Variants in NCAM1 observed in about 807,000 individuals in gnomAD.
NCAM1 encodes antigen recognized by monoclonal antibody 5.1H11.
A neutral mutation model predicts 109.8 loss-of-function variants in NCAM1; 14 were observed. The ratio of observed to expected loss-of-function variants is 0.13; its 90% confidence interval spans 0.08 to 0.20. NCAM1 has a LOEUF of 0.20. Among genes scored for constraint, NCAM1 ranks in the 10% least tolerant of loss-of-function variants. NCAM1 has a pLI of 1.00. For synonymous variants in NCAM1, 418 were observed against 442.9 expected, an observed-to-expected ratio of 0.94 and a Z score of 0.70; for missense variants, 774 against 1,109.9, an observed-to-expected ratio of 0.70 and a Z score of 4.30.
At chr11:113,042,343 C>A (rs560124533) in intron 1 of NCAM1, among the ~76,000 whole-genome samples, 2 of 152,330 alleles carry the variant, frequency 1.3e-5, no homozygotes, top group East Asian at 1.9e-4. Flanking sequence ...AATTCAGTGG[C>A]GCCTTCTCAA....
intron 1 of NCAM1, among the ~76,000 whole-genome samples, chr11:113,025,778 CGAGAGAGAGAGAGAGA>C (rs199893109): frequency 0.037 from 4,424 of 118,862 alleles, 413 homozygotes; most frequent in Admixed American, 0.16. Context: ...CACAGGGAGC[CGAGAGAGAGAGAGAGA>C]GAGAGAGAGA....
chr11:113,178,682 G>T (rs1255900477), intron 1 of NCAM1, among the ~76,000 whole-genome samples: 1 of 152,202 alleles, frequency 6.6e-6, no homozygotes, highest in East Asian at 1.9e-4. Flanking sequence ...ATTGCAAAAA[G>T]AAAGAAGATG....
Position 113,233,220 on chromosome 11 carries a change from A to C in NCAM1, c.1596A>C (p.Pro532=). Residue 532 remains proline (P), a synonymous_variant, in exon 13 of 20, where the codon CCA becomes CCC. Coordinates refer to ENST00000316851, the MANE Select transcript of NCAM1 (RefSeq NM_181351.5). This position sits in a 1 kb window ranked among gnomAD's most constrained non-coding sequence, Gnocchi z 4.5. The part of the protein sequence containing the change: ...SSTAQVQFDE[P]EATGGVPILK... Reference sequence around the variant, plus strand: ...CAGCCCAGGTGCAGTTTGATGAACCAGAGGCCACAGGTGGGGTGCCCATCC... The same window carrying C: ...CAGCCCAGGTGCAGTTTGATGAACCCGAGGCCACAGGTGGGGTGCCCATCC... The C allele has an allele frequency of 6.2e-7, 1 of 1,613,928 alleles. No individual in the cohort carries two copies. Among genetic ancestry groups the C allele is most frequent in the Non-Finnish European group, 8.5e-7 (1 of 1,179,862 alleles).
chr11:112,966,141 A>G lies in NCAM1; in HGVS notation c.52+4477A>G, dbSNP rs868996139. Among the ~76,000 whole-genome samples, 3 of 152,370 alleles carry G rather than the reference A, an allele frequency of 2.0e-5. No individual in the cohort carries two copies. In the Middle Eastern group the frequency reaches 0.01, roughly 518 times the overall value. ...AGACTAAGGAATGTCTGGAACTTTA[A>G]AAGAAATGGCAGCACATTACAGGGA... On this transcript the variant is annotated intron_variant, in intron 1 of 19. Transcript: ENST00000316851.
chr11:113,195,616 C>T (rs1349090050), intron 1 of NCAM1, among the ~76,000 whole-genome samples: 2 of 151,020 alleles, frequency 1.3e-5, no homozygotes, highest in Non-Finnish European at 2.9e-5. Flanking sequence ...CATTCTCCTG[C>T]CTCAGCCTCC....
At chr11:112,991,140 G>A (rs1273113851) in intron 1 of NCAM1, among the ~76,000 whole-genome samples, 1 of 152,098 alleles carries the variant, frequency 6.6e-6, no homozygotes, top group Admixed American at 6.6e-5. Context: ...GCCATTATAG[G>A]TGGCATGGAT....
chr11:113,178,784 A>G (rs1462329025), intron 1 of NCAM1, among the ~76,000 whole-genome samples: 1 of 152,294 alleles, frequency 6.6e-6, no homozygotes, highest in African/African-American at 2.4e-5. Context: ...AGAACCTGGG[A>G]CTAGAGTTCA....
At chr11:113,124,441 C>T (rs936293927) in intron 1 of NCAM1, among the ~76,000 whole-genome samples, 12 of 152,344 alleles carry the variant, frequency 7.9e-5, no homozygotes, top group Non-Finnish European at 1.6e-4. Context: ...CAGATCTCCA[C>T]CTCTCTTTTC....
chr11:113,097,359 C>T (rs1178151604), intron 1 of NCAM1, among the ~76,000 whole-genome samples: 1 of 152,186 alleles, frequency 6.6e-6, no homozygotes, highest in Non-Finnish European at 1.5e-5. Flanking sequence ...GGTTTTATGT[C>T]TTACTTCTTA....
chr11:113,239,239 G>A (rs1555118781), intron 14 of NCAM1, among the ~76,000 whole-genome samples: 1 of 152,142 alleles, frequency 6.6e-6, no homozygotes, highest in African/African-American at 2.4e-5. Context: ...CTGTGAGAAT[G>A]TGCCTATTTC....
At chr11:113,250,546 T>G (rs1212378070) in intron 15 of NCAM1, among the ~76,000 whole-genome samples, 4 of 152,186 alleles carry the variant, frequency 2.6e-5, no homozygotes, top group African/African-American at 9.7e-5. Context: ...AAACTAAGTG[T>G]AAAAAGGTAT....
chr11:113,142,302 G>C (rs917228416), intron 1 of NCAM1, among the ~76,000 whole-genome samples: 3 of 152,168 alleles, frequency 2.0e-5, no homozygotes, highest in Admixed American at 2.0e-4. Flanking sequence ...TTTGACATTA[G>C]AGTCTGTCAT....
chr11:113,221,236 A>C, intron 8 of NCAM1, 60 bp from the exon 9 acceptor site: 1 of 1,525,748 alleles, frequency 6.6e-7, no homozygotes, highest in Non-Finnish European at 8.9e-7. Flanking sequence ...CATTCTCTAA[A>C]GCAACATGTT....
intron 1 of NCAM1, among the ~76,000 whole-genome samples, chr11:112,972,929 C>T (rs1950921161): frequency 6.6e-6 from 1 of 152,022 alleles, no homozygotes; most frequent in African/African-American, 2.4e-5. Context: ...TATGCATCAC[C>T]ACGGAAAAGA....
At chr11:113,183,225 T>C (rs1258382285) in intron 1 of NCAM1, among the ~76,000 whole-genome samples, 1 of 152,128 alleles carries the variant, frequency 6.6e-6, no homozygotes, top group Non-Finnish European at 1.5e-5. Flanking sequence ...CTGCCTCTTT[T>C]ATACTAATTC....
At chr11:113,178,275 C>T (rs1162615634) in intron 1 of NCAM1, among the ~76,000 whole-genome samples, 3 of 152,130 alleles carry the variant, frequency 2.0e-5, no homozygotes, top group South Asian at 2.1e-4. Flanking sequence ...AGAAAGACAT[C>T]GGAGAAGAGT....
chr11:113,252,382 G>A (rs1555121490), intron 15 of NCAM1, among the ~76,000 whole-genome samples: 1 of 148,608 alleles, frequency 6.7e-6, no homozygotes, highest in African/African-American at 2.5e-5. Context: ...CTTCAGCTTG[G>A]GTGACAGAGC....
chr11:112,975,086 C>T (rs1018718914), intron 1 of NCAM1, among the ~76,000 whole-genome samples: 8 of 151,896 alleles, frequency 5.3e-5, no homozygotes, highest in Non-Finnish European at 7.4e-5. Flanking sequence ...GGCAAAAACC[C>T]GAACAGAGGA....
chr11:113,243,093 C>A (rs1945383593), intron 14 of NCAM1: 200 of 576,638 alleles, frequency 3.5e-4, no homozygotes, highest in Middle Eastern at 1.8e-3. Context: ...GAGGCTTTTC[C>A]AAATCGACTC....
Sources: allele counts gnomAD v4.1 joint callset (sites outside exome capture counted in the v4.1 genomes callset), GRCh38; gene constraint gnomAD v4.1.1; non-coding constraint Gnocchi (gnomAD v3.1); transcripts MANE v1.5; gene names NCBI Gene and HGNC (gene_info 2026-07-23, HGNC 2026-07-21).